Variants in ZNG1E observed in about 807,000 individuals in gnomAD.
The protein encoded by ZNG1E is Zn regulated GTPase metalloprotein activator 1E, also known as zinc-regulated GTPase metalloprotein activator 1E.
chr9:65,665,450 G>T, the ZNG1E span, among the ~76,000 whole-genome samples: 1 of 152,280 alleles, frequency 6.6e-6, no homozygotes, highest in African/African-American at 2.4e-5. Flanking sequence ...CAAGAATTGA[G>T]GTTTGGGAAA....
chr9:65,664,819 T>A, the ZNG1E span, among the ~76,000 whole-genome samples: 1 of 152,100 alleles, frequency 6.6e-6, no homozygotes, highest in African/African-American at 2.4e-5. Flanking sequence ...CAGGCTGAGG[T>A]GGTCTTAGAT....
At chr9:65,662,437 G>T in the ZNG1E span, among the ~76,000 whole-genome samples, 1 of 140,434 alleles carries the variant, frequency 7.1e-6, no homozygotes, top group Non-Finnish European at 1.6e-5. Flanking sequence ...GCGTATCGAC[G>T]CTCATTACCT....
the ZNG1E span, among the ~76,000 whole-genome samples, chr9:65,660,441 T>C: frequency 6.6e-6 from 1 of 152,144 alleles, no homozygotes; most frequent in Non-Finnish European, 1.5e-5. Flanking sequence ...AAAGCTCATC[T>C]GTGGATATTG....
the ZNG1E span, chr9:65,669,092 A>G: frequency 1.7e-5 from 2 of 118,830 alleles, no homozygotes; most frequent in African/African-American, 7.7e-5. Context: ...AATTTTTATT[A>G]TTTATAAATT....
At chr9:65,710,571 A>G in the ZNG1E span, among the ~76,000 whole-genome samples, 2,521 of 139,342 alleles carry the variant, frequency 0.018, 4 homozygotes, top group Admixed American at 0.03. Context: ...CTTTCTACAT[A>G]CGGCTAGCCA....
chr9:65,717,685 A>AT, the ZNG1E span, among the ~76,000 whole-genome samples: 6 of 142,936 alleles, frequency 4.2e-5, no homozygotes, highest in East Asian at 2.0e-4. Context: ...TTTGCCTTTC[A>AT]TTTTTTTTTT....
At chr9:65,704,892 C>T in the ZNG1E span, 1 of 69,214 alleles carries the variant, frequency 1.4e-5, no homozygotes, top group Non-Finnish European at 2.5e-5. Context: ...GCCTGGGTGA[C>T]AGAGCGAGAC....
the ZNG1E span, among the ~76,000 whole-genome samples, chr9:65,717,594 G>C: frequency 6.7e-6 from 1 of 149,560 alleles, no homozygotes; most frequent in East Asian, 1.9e-4. Context: ...TTGATGCTGT[G>C]GGCAGTTTTG....
At chr9:65,672,551 C>T in the ZNG1E span, among the ~76,000 whole-genome samples, 2 of 151,766 alleles carry the variant, frequency 1.3e-5, no homozygotes, top group African/African-American at 4.9e-5. Flanking sequence ...CAAGACCAGC[C>T]TGGCTAACGT....
the ZNG1E span, among the ~76,000 whole-genome samples, chr9:65,688,100 C>G: frequency 6.6e-6 from 1 of 151,138 alleles, no homozygotes; most frequent in East Asian, 1.9e-4. Context: ...CATCTGAAGC[C>G]TTTCTTTTTG....
At chr9:65,732,964 C>A in the ZNG1E span, 2 of 1,608,260 alleles carry the variant, frequency 1.2e-6, no homozygotes, top group Non-Finnish European at 1.7e-6. Flanking sequence ...TGAGGCTGAT[C>A]AATGTTCAAT....
the ZNG1E span, among the ~76,000 whole-genome samples, chr9:65,677,668 C>T: frequency 3.9e-5 from 6 of 152,138 alleles, no homozygotes; most frequent in South Asian, 2.1e-4. Context: ...AATCCGACTG[C>T]GTCACACCTT....
At chr9:65,659,494 CAAAAA>C in the ZNG1E span, among the ~76,000 whole-genome samples, 1 of 113,952 alleles carries the variant, frequency 8.8e-6, no homozygotes. Flanking sequence ...GACTCCGTCT[CAAAAA>C]AAAAAAAAAA....
the ZNG1E span, chr9:65,708,493 TATATC>T: frequency 3.8e-6 from 1 of 262,166 alleles, no homozygotes; most frequent in Admixed American, 5.3e-5. Context: ...TATTAAATGT[TATATC>T]AAGGGAGGGG....
At chr9:65,702,552 G>A in the ZNG1E span, among the ~76,000 whole-genome samples, 1 of 147,622 alleles carries the variant, frequency 6.8e-6, no homozygotes, top group African/African-American at 2.6e-5. Flanking sequence ...TTTATTTTTA[G>A]TGTGTATATA....
At chr9:65,675,423 T>TA in the ZNG1E span, among the ~76,000 whole-genome samples, 1 of 150,252 alleles carries the variant, frequency 6.7e-6, no homozygotes, top group South Asian at 2.1e-4. Context: ...TATGTAATAA[T>TA]AAAAAAAGAA....
chr9:65,678,093 G>GT, the ZNG1E span, among the ~76,000 whole-genome samples: 4 of 138,242 alleles, frequency 2.9e-5, no homozygotes, highest in Admixed American at 7.1e-5. Flanking sequence ...ATGTCTTAAA[G>GT]TGTTTTTTTT....
chr9:65,683,804 G>T, the ZNG1E span, among the ~76,000 whole-genome samples: 1 of 152,388 alleles, frequency 6.6e-6, no homozygotes, highest in South Asian at 2.1e-4. Flanking sequence ...GGCTATTTTG[G>T]TCCTTATAGT....
At chr9:65,672,862 TAACTG>T in the ZNG1E span, among the ~76,000 whole-genome samples, 3 of 118,116 alleles carry the variant, frequency 2.5e-5, no homozygotes, top group African/African-American at 1.0e-4. Context: ...GATAAAAACT[TAACTG>T]AAGAGGAATA....
Sources: gnomAD v4.1 joint callset for allele counts (sites outside exome capture counted in the v4.1 genomes callset) on GRCh38, gnomAD v4.1.1 for gene constraint, MANE v1.5 for transcripts, NCBI Gene and HGNC (gene_info 2026-07-23, HGNC 2026-07-21) for gene names.